Variants in LYPD6 observed in about 807,000 individuals in gnomAD.
LYPD6 encodes the protein LY6/PLAUR domain containing 6, also known as ly6/PLAUR domain-containing protein 6.
A neutral mutation model predicts 22.7 loss-of-function variants in LYPD6; 15 were observed. The observed-to-expected ratio is 0.66, with a 90% CI of 0.44 to 1.02. The LOEUF (loss-of-function observed/expected upper bound fraction) is 1.02, where lower values mean the gene tolerates loss of function less well. LYPD6 is among the 50% of genes least tolerant of loss of function. The pLI is 0.00. For synonymous variants in LYPD6, 72 were observed against 77.5 expected (o/e 0.93, Z 0.37); for missense variants, 189 against 208.4 (o/e 0.91, Z 0.57).
chr2:149,477,660 C>T (rs1681465759), downstream of LYPD6, among the ~76,000 whole-genome samples: 1 of 149,712 alleles, frequency 6.7e-6, no homozygotes, highest in African/African-American at 2.4e-5. Flanking sequence ...AAACAACAAC[C>T]CTGAAAGGCC....
downstream of LYPD6, among the ~76,000 whole-genome samples, chr2:149,477,685 A>G (rs903543893): frequency 6.7e-6 from 1 of 148,826 alleles, no homozygotes; most frequent in Admixed American, 6.6e-5. Context: ...TGGAGTATTT[A>G]GGAAAAAAGC....
chr2:149,421,313 T>C (rs1338107827), intron 1 of LYPD6, among the ~76,000 whole-genome samples: 1 of 150,002 alleles, frequency 6.7e-6, no homozygotes, highest in African/African-American at 2.5e-5. Context: ...TTGCTTGAAC[T>C]TGGGAGACAG....
intron 1 of LYPD6, among the ~76,000 whole-genome samples, chr2:149,403,261 G>A (rs1164528941): frequency 3.3e-5 from 5 of 151,516 alleles, no homozygotes; most frequent in Non-Finnish European, 1.5e-5. Flanking sequence ...TGGGATGGCT[G>A]GGTCAAATGG....
intron 1 of LYPD6, among the ~76,000 whole-genome samples, chr2:149,380,297 C>G (rs1439505396): frequency 6.6e-6 from 1 of 152,194 alleles, no homozygotes; most frequent in African/African-American, 2.4e-5. Context: ...GCGTTCTAAG[C>G]AGAGCGAAGA....
intron 1 of LYPD6, among the ~76,000 whole-genome samples, chr2:149,346,700 G>C (rs1177261319): frequency 6.6e-6 from 1 of 152,080 alleles, no homozygotes; most frequent in East Asian, 1.9e-4. Context: ...TTAAAAACTA[G>C]TTTTGTTTTT....
intron 1 of LYPD6, among the ~76,000 whole-genome samples, chr2:149,420,151 C>T (rs1683048260): frequency 6.6e-6 from 1 of 152,218 alleles, no homozygotes; most frequent in South Asian, 2.1e-4. Context: ...TTAGTTCTCA[C>T]AAGCATAGTT....
chr2:149,361,506 T>C (rs144956353), intron 1 of LYPD6, among the ~76,000 whole-genome samples: 1 of 152,182 alleles, frequency 6.6e-6, no homozygotes, highest in Non-Finnish European at 1.5e-5. Flanking sequence ...TAAATACACA[T>C]CACTTTCTTT....
the LYPD6 span, among the ~76,000 whole-genome samples, chr2:149,479,656 C>T: frequency 6.6e-6 from 1 of 152,128 alleles, no homozygotes; most frequent in Non-Finnish European, 1.5e-5. Flanking sequence ...CCGTCAAATC[C>T]TGTCAATTTT....
the LYPD6 span, among the ~76,000 whole-genome samples, chr2:149,480,516 C>G: frequency 4.2e-5 from 3 of 70,626 alleles, no homozygotes; most frequent in African/African-American, 1.7e-4. Context: ...GTTGCCCACT[C>G]TCATGGGACC....
chr2:149,376,205 T>C (rs757738122), intron 1 of LYPD6, among the ~76,000 whole-genome samples: 5 of 152,152 alleles, frequency 3.3e-5, no homozygotes, highest in African/African-American at 7.2e-5. Flanking sequence ...TACAGATAAA[T>C]TCTCCAGATT....
At chr2:149,447,443 A>G (rs1438196127) in intron 2 of LYPD6, among the ~76,000 whole-genome samples, 2 of 152,228 alleles carry the variant, frequency 1.3e-5, no homozygotes, top group Non-Finnish European at 2.9e-5. Flanking sequence ...CTCAGGCTAG[A>G]ACTGGTAGCC....
At chr2:149,415,378 C>T (rs1682939099) in intron 1 of LYPD6, among the ~76,000 whole-genome samples, 1 of 152,050 alleles carries the variant, frequency 6.6e-6, no homozygotes, top group Non-Finnish European at 1.5e-5. Flanking sequence ...GAGGATGGCT[C>T]TTTAGTGTGG....
At chr2:149,405,656 C>T (rs1352273737) in intron 1 of LYPD6, among the ~76,000 whole-genome samples, 2 of 152,172 alleles carry the variant, frequency 1.3e-5, no homozygotes, top group African/African-American at 4.8e-5. Context: ...AGTGGTCTAT[C>T]AATTTTGTTG....
chr2:149,383,542 T>C (rs767307344), intron 1 of LYPD6, among the ~76,000 whole-genome samples: 35 of 152,050 alleles, frequency 2.3e-4, no homozygotes, highest in Non-Finnish European at 4.1e-4. Context: ...TTAAAGAGAC[T>C]CCAAAAACAG....
intron 1 of LYPD6, among the ~76,000 whole-genome samples, chr2:149,342,748 A>C (rs2105050560): frequency 6.6e-6 from 1 of 152,318 alleles, no homozygotes; most frequent in Admixed American, 6.5e-5. Flanking sequence ...GATTAGAATC[A>C]CAGCCAACTG....
At chr2:149,344,594 G>A (rs187515171) in intron 1 of LYPD6, among the ~76,000 whole-genome samples, 268 of 152,180 alleles carry the variant, frequency 1.8e-3, no homozygotes, top group African/African-American at 6.3e-3. Context: ...GAAAATGTGC[G>A]CTATTCTTCC....
At chr2:149,367,042 T>C (rs1449237506) in intron 1 of LYPD6, among the ~76,000 whole-genome samples, 1 of 152,222 alleles carries the variant, frequency 6.6e-6, no homozygotes, top group Non-Finnish European at 1.5e-5. Flanking sequence ...GTTTTTTTTT[T>C]CTTTTTTACA....
downstream of LYPD6, among the ~76,000 whole-genome samples, chr2:149,477,435 C>T (rs1305861907): frequency 6.6e-6 from 1 of 151,942 alleles, no homozygotes; most frequent in Admixed American, 6.6e-5. Flanking sequence ...CCAGCCTGGC[C>T]AACGTGGTGA....
intron 1 of LYPD6, among the ~76,000 whole-genome samples, chr2:149,384,801 C>T (rs985600662): frequency 3.3e-5 from 5 of 151,866 alleles, no homozygotes; most frequent in Admixed American, 3.3e-4. Context: ...CATATGTATA[C>T]ATGTGCCATG....
Sources: gnomAD v4.1 joint callset for allele counts (sites outside exome capture counted in the v4.1 genomes callset) on GRCh38, gnomAD v4.1.1 for gene constraint, MANE v1.5 for transcripts, NCBI Gene and HGNC (gene_info 2026-07-23, HGNC 2026-07-21) for gene names.